SLC12A4: variants seen among roughly 807,000 people sequenced by gnomAD.
SLC12A4 encodes the protein solute carrier family 12 member 4.
Under a neutral mutation model 119.2 loss-of-function variants are expected in SLC12A4, and 84 were observed. The observed-to-expected ratio is 0.70, with a 90% CI of 0.59 to 0.85. SLC12A4 has a LOEUF of 0.85. Among genes scored for constraint, SLC12A4 ranks in the 40% least tolerant of loss-of-function variants. SLC12A4 has a pLI of 0.00. For missense variants in SLC12A4, 1,298 were observed against 1,476.3 expected (o/e 0.88, Z 1.98); for synonymous variants, 599 against 604.6 (o/e 0.99, Z 0.14).
intron 15 of SLC12A4, 91 bp from the exon 16 acceptor site, chr16:67,947,526 G>A: frequency 6.7e-7 from 1 of 1,499,030 alleles, no homozygotes; most frequent in South Asian, 1.2e-5. Flanking sequence ...TGCCCCTCAA[G>A]ACCACCCAGG....
In SLC12A4 at chr16:67,957,946, T is replaced by C. The variant is rs375497455; in HGVS notation, c.441A>G (p.Thr147=). ...TGAGGAGGGCCTGTAGCACACCTGC[T>C]GTGCCCACCATCCAGGTCAGCCGCA... The part of the protein sequence containing the change: ...LFLRLTWMVG[T]AGVLQALLIV... Residue 147 remains threonine, a synonymous_variant, in exon 4 of 24, where the codon ACA becomes ACG. Transcript: ENST00000316341. 64 of 1,614,080 alleles carry C rather than the reference T, an allele frequency of 4.0e-5. No homozygotes were observed. The highest frequency in any genetic ancestry group is 6.7e-5 in the Admixed American group (4 of 60,008).
chr16:67,948,158 A>G lies in SLC12A4; in HGVS notation c.1750T>C (p.Phe584Leu). The G allele has an allele frequency of 6.2e-7, 1 of 1,613,114 alleles. No individual in the cohort carries two copies. The highest frequency in any genetic ancestry group is 1.1e-5 in the South Asian group (1 of 91,088). The change falls in exon 14 of 24, where the codon TTC becomes CTC. Residue 584 changes from phenylalanine (F) to leucine (L), a missense_variant and splice_region_variant. Physicochemically the swap from Phe to Leu is conservative, Grantham distance 22 (BLOSUM62 0). Transcript: ENST00000316341. Reference sequence around the variant, plus strand: ...ACGAACAGGTAGCACATCAGAAAGAACCTGCGGCACAGAGGGCGGTTGGCG... The same window carrying G: ...ACGAACAGGTAGCACATCAGAAAGAGCCTGCGGCACAGAGGGCGGTTGGCG... ...LDMVAPILSM[F>L]FLMCYLFVNL...
intron 6 of SLC12A4, among the ~76,000 whole-genome samples, chr16:67,953,792 G>A (rs921724019): frequency 6.6e-6 from 1 of 152,134 alleles, no homozygotes; most frequent in Non-Finnish European, 1.5e-5. Context: ...GTTTGAGCAA[G>A]AAAATAAATA....
Position 67,944,901 on chromosome 16 carries a change from C to A in SLC12A4, c.3197G>T (p.Gly1066Val). Residue 1066 changes from glycine (G) to valine (V), a missense_variant, in exon 24 of 24, where the codon GGC (glycine) becomes GTC (valine). Coordinates refer to ENST00000316341, the MANE Select transcript of SLC12A4 (RefSeq NM_005072.5). The surrounding 1 kb of genome is among the most constrained non-coding windows in gnomAD (Gnocchi z 6.6). ...GCGCACCAACAGCACCCGCTCAAGG[C>A]CCTCGGTCAGCACCTCGAGGAACTC... ...YMEFLEVLTEGLERVLLVRGG... is the reference protein window; with the variant it reads ...YMEFLEVLTEVLERVLLVRGG... 6.2e-7 allele frequency: 1 copy of A among 1,613,482 alleles called. No homozygotes were observed. The highest frequency in any genetic ancestry group is 8.5e-7 in the Non-Finnish European group (1 of 1,180,012).
rs375513523 is a variant in SLC12A4 at position 67,957,731 on chromosome 16, C to T, written c.544+11G>A. The T allele has an allele frequency of 5.0e-5, 80 of 1,612,602 alleles. 1 individual carries two copies. Among genetic ancestry groups the T allele is most frequent in the South Asian group, 1.1e-4 (10 of 90,998 alleles). ...TTCTCTTCCACCAGGCCTTGGGTGGCGCTCACTGACCTGGAACCACACCGT... is the reference window on the plus strand; with the variant it reads ...TTCTCTTCCACCAGGCCTTGGGTGGTGCTCACTGACCTGGAACCACACCGT... On this transcript the variant is annotated intron_variant, in intron 5 of 23. Transcript: ENST00000316341.
rs779137613 is a variant in SLC12A4 at position 67,945,510 on chromosome 16, C to T, written c.2891G>A (p.Ser964Asn). The change falls in exon 22 of 24, where the codon AGC becomes AAC. Residue 964 changes from serine to asparagine, a missense_variant. By Grantham distance (46) the Ser-to-Asn change is conservative. Coordinates refer to ENST00000316341, the MANE Select transcript of SLC12A4 (RefSeq NM_005072.5). ...CTCATCTTCCTCGTCCGAGTACAGGCTCTCCAGCCGCAGGGCCGAGTGCCG... is the reference window on the plus strand; with the variant it reads ...CTCATCTTCCTCGTCCGAGTACAGGTTCTCCAGCCGCAGGGCCGAGTGCCG... Reference protein sequence around the residue: ...KDRHSALRLESLYSDEEDESA... With the variant: ...KDRHSALRLENLYSDEEDESA... 1.0e-4 allele frequency: 163 copies of T among 1,613,926 alleles called. No homozygotes were observed. Among genetic ancestry groups the T allele is most frequent in the Non-Finnish European group, 1.3e-4 (149 of 1,180,018 alleles).
chr16:67,968,668 G>A, upstream of SLC12A4: 3 of 1,279,922 alleles, frequency 2.3e-6, no homozygotes, highest in Non-Finnish European at 2.0e-6. Context: ...TCCCCGCTGC[G>A]CTCACTTCCT....
At chr16:67,961,504 G>T (rs2030564049) in intron 3 of SLC12A4, 71 bp downstream of exon 3, 1 of 1,571,148 alleles carries the variant, frequency 6.4e-7, no homozygotes, top group Non-Finnish European at 8.6e-7. Context: ...ACCATGTGGG[G>T]AAACAGTCAA....
At chr16:67,954,863 G>A (rs2030162829) in intron 5 of SLC12A4, 90 bp from the exon 6 acceptor site, 1 of 1,517,538 alleles carries the variant, frequency 6.6e-7, no homozygotes, top group South Asian at 1.2e-5. Flanking sequence ...CCACCCAGAG[G>A]GACAGGGACT....
Position 67,949,537 on chromosome 16 carries a change from G to A in SLC12A4, c.1748+263C>T. The A allele has an allele frequency of 2.6e-6, 1 of 381,138 alleles. No individual in the cohort carries two copies. Among genetic ancestry groups the A allele is most frequent in the Non-Finnish European group, 4.7e-6 (1 of 212,622 alleles). The allele number at this position is 381,138 out of a possible 1,614,324, so 23.6% of individuals were successfully genotyped here. ...TGGAGGCATGAGGGACGCGGTGGTT[G>A]CCCTGTCCAGTGGGAAGGTCTGCCG... On this transcript the variant is annotated intron_variant, in intron 13 of 23. Coordinates refer to ENST00000316341, the MANE Select transcript of SLC12A4 (RefSeq NM_005072.5). The surrounding 1 kb of genome is among the most constrained non-coding windows in gnomAD (Gnocchi z 4.6).
Position 67,952,239 on chromosome 16 carries a change from T to C in SLC12A4, c.862A>G (p.Ile288Val). The part of the protein sequence containing the change: ...SLFLACVIIS[I>V]LSIYAGGIKS... ...ATGCCCCCAGCATAGATGGAGAGGA[T>C]GGAGATGATCACACAGGCCAGGAAG... The change falls in exon 7 of 24, where the codon ATC (isoleucine) becomes GTC (valine). Residue 288 changes from isoleucine to valine, a missense_variant. Physicochemically the swap from Ile to Val is conservative, Grantham distance 29. Transcript: ENST00000316341. 2 of 1,614,054 alleles carry C rather than the reference T, an allele frequency of 1.2e-6. No homozygotes were observed. Among genetic ancestry groups the C allele is most frequent in the Non-Finnish European group, 8.5e-7 (1 of 1,179,998 alleles).
In SLC12A4 at chr16:67,949,724, C is replaced by CA. The variant is rs2058391697; in HGVS notation, c.1748+75dup. 9.9e-7 allele frequency: 1 copy of CA among 1,006,176 alleles called. No individual in the cohort carries two copies. Among genetic ancestry groups the CA allele is most frequent in the South Asian group, 1.5e-5 (1 of 67,234 alleles). 62.3% of individuals were successfully genotyped at this position (1,006,176 alleles called of 1,614,324 possible). ...CATCTCCCAGCTGGACCTCCAACAC[C>CA]AGACGCAGCCACGGGGAGGTGCTGG... On this transcript the variant is annotated intron_variant, in intron 13 of 23. Coordinates refer to ENST00000316341, the MANE Select transcript of SLC12A4 (RefSeq NM_005072.5). This position sits in a 1 kb window ranked among gnomAD's most constrained non-coding sequence, Gnocchi z 4.6.
chr16:67,950,142 TCCAGGCCCAGGTGAGTG>T lies in SLC12A4; in HGVS notation c.1629+160_1629+176del. 1 of 762,760 alleles carries T rather than the reference TCCAGGCCCAGGTGAGTG, an allele frequency of 1.3e-6. No individual in the cohort carries two copies. The allele number at this position is 762,760 out of a possible 1,614,324, so 47.2% of individuals were successfully genotyped here. On this transcript the variant is annotated intron_variant, in intron 12 of 23. Coordinates refer to ENST00000316341, the MANE Select transcript of SLC12A4 (RefSeq NM_005072.5). This position sits in a 1 kb window ranked among gnomAD's most constrained non-coding sequence, Gnocchi z 4.3. ...CATGAAGATTCTGGGTCCAGGCAGC[TCCAGGCCCAGGTGAGTG>T]CCAGGCCCAGGGCACTTCTCAGTAG...
rs749376239 is a variant in SLC12A4, at chr16:67,951,806, C to T, written c.1132+17G>A. The T allele has an allele frequency of 6.9e-6, 11 of 1,599,384 alleles. No homozygotes were observed. Among genetic ancestry groups the T allele is most frequent in the East Asian group, 2.2e-5 (1 of 44,498 alleles). On this transcript the variant is annotated intron_variant, in intron 8 of 23. Transcript: ENST00000316341. The surrounding 1 kb of genome is among the most constrained non-coding windows in gnomAD (Gnocchi z 5.2). ...GCCTGTGGGCTCAAGAGCAAGACGACGGGAGGGAGGACCCACCCTGGAGCA... is the reference window on the plus strand; with the variant it reads ...GCCTGTGGGCTCAAGAGCAAGACGATGGGAGGGAGGACCCACCCTGGAGCA...
intron 13 of SLC12A4, 73 bp from the exon 14 acceptor site, chr16:67,948,232 GC>G: frequency 1.4e-6 from 2 of 1,454,692 alleles, no homozygotes; most frequent in East Asian, 2.3e-5. Flanking sequence ...GCTGGGCCTG[GC>G]CCAGAAACGG....
chr16:67,945,360 T>G lies in SLC12A4; in HGVS notation c.3032+9A>C. The G allele has an allele frequency of 6.2e-7, 1 of 1,609,926 alleles. No homozygotes were observed. The highest frequency in any genetic ancestry group is 2.2e-5 in the East Asian group (1 of 44,800). Reference sequence around the variant, plus strand: ...CCAGTGCCGCTGGGGCTGTTTTTGCTGCACTCACGGCTTAATGTGCACCAG... The same window carrying G: ...CCAGTGCCGCTGGGGCTGTTTTTGCGGCACTCACGGCTTAATGTGCACCAG... On this transcript the variant is annotated intron_variant, in intron 22 of 23. Coordinates refer to ENST00000316341, the MANE Select transcript of SLC12A4 (RefSeq NM_005072.5).
In SLC12A4 at chr16:67,944,806, G is replaced by A; in HGVS notation, c.*34C>T. On this transcript the variant is annotated 3_prime_UTR_variant, in exon 24 of 24. Coordinates refer to ENST00000316341, the MANE Select transcript of SLC12A4 (RefSeq NM_005072.5). This position sits in a 1 kb window ranked among gnomAD's most constrained non-coding sequence, Gnocchi z 6.6. ...CCACAGCTTGTTATGTCCTGGCCAAGACCTCGACTCCAGGCCACAAGATGA... is the reference window on the plus strand; with the variant it reads ...CCACAGCTTGTTATGTCCTGGCCAAAACCTCGACTCCAGGCCACAAGATGA... 1 of 1,609,706 alleles carries A rather than the reference G, an allele frequency of 6.2e-7. No individual in the cohort carries two copies. The highest frequency in any genetic ancestry group is 8.5e-7 in the Non-Finnish European group (1 of 1,179,166).
At chr16:67,968,326 G>C (rs1460252024) in intron 1 of SLC12A4, 113 bp downstream of exon 1, 7 of 949,378 alleles carry the variant, frequency 7.4e-6, no homozygotes, top group Non-Finnish European at 1.0e-5. Flanking sequence ...AGTTGAGTCC[G>C]CACCGACGTG....
rs1175194549 is a variant in SLC12A4, at chr16:67,947,669, C to G, written c.1967G>C (p.Gly656Ala). The G allele has an allele frequency of 6.3e-7, 1 of 1,596,518 alleles. No homozygotes were observed. Reference protein sequence around the residue: ...GMIYKYIEYQGAEKEWGDGIR... With the variant: ...GMIYKYIEYQAAEKEWGDGIR... ...AGGCCAGGTGGCAGTGCTCACTCAC[C>G]CTTGGTACTCGATGTATTTGTAGAT... The change falls in exon 15 of 24, where the codon GGG (glycine) becomes GCG (alanine). Residue 656 changes from glycine (G) to alanine (A), a missense_variant and splice_region_variant. Gly to Ala is a moderately conservative substitution (Grantham distance 60, BLOSUM62 0). Transcript: ENST00000316341.
Sources: allele counts gnomAD v4.1 joint callset (sites outside exome capture counted in the v4.1 genomes callset), GRCh38; gene constraint gnomAD v4.1.1; non-coding constraint Gnocchi (gnomAD v3.1); transcripts MANE v1.5; gene names NCBI Gene and HGNC (gene_info 2026-07-23, HGNC 2026-07-21).